The following CBLN2 variants were observed in gnomAD, a reference collection of about 807,000 sequenced individuals.
The protein encoded by CBLN2 is cerebellin 2 precursor.
Under a neutral mutation model 15.0 loss-of-function variants are expected in CBLN2, and 7 were observed. The observed-to-expected ratio is 0.47, with a 90% confidence interval of 0.27 to 0.88. CBLN2 has a LOEUF of 0.88. Ranked by LOEUF, CBLN2 falls within the 40% of genes least tolerant of loss-of-function variation. CBLN2 has a pLI of 0.14. For synonymous variants in CBLN2, 149 were observed against 135.2 expected (o/e 1.10, Z -0.71); for missense variants, 242 against 304.5 (o/e 0.79, Z 1.53).
chr18:72,600,063 G>A (rs979729231), intron 1 of CBLN2, among the ~76,000 whole-genome samples: 5 of 152,172 alleles, frequency 3.3e-5, no homozygotes, highest in African/African-American at 7.2e-5. Context: ...CACTGCAGAA[G>A]CACTTGTGGC....
chr18:72,538,378 A>T lies in CBLN2; in HGVS notation c.478-5T>A. 1 of 1,613,986 alleles carries T rather than the reference A, an allele frequency of 6.2e-7. No individual in the cohort carries two copies. The highest frequency in any genetic ancestry group is 8.5e-7 in the Non-Finnish European group (1 of 1,179,986). ...GCCATTCTGCATTAAACTGACCTAA[A>T]ATGCAGAGAGTAGAGCTCAGCAGAC... On this transcript the variant is annotated splice_polypyrimidine_tract_variant and splice_region_variant and intron_variant, in intron 4 of 4. Coordinates refer to ENST00000269503, the MANE Select transcript of CBLN2 (RefSeq NM_182511.4).
At chr18:72,597,145 C>G (rs2069518624) in intron 1 of CBLN2, among the ~76,000 whole-genome samples, 1 of 152,142 alleles carries the variant, frequency 6.6e-6, no homozygotes, top group South Asian at 2.1e-4. Flanking sequence ...TCTTTGCAAC[C>G]TGGGCTTGTC....
intron 3 of CBLN2, chr18:72,540,022 C>T (rs911958323): frequency 8.5e-5 from 13 of 152,232 alleles, no homozygotes; most frequent in African/African-American, 3.1e-4. Context: ...GTTTCAGCTT[C>T]TTCAACCCAG....
chr18:72,555,081 G>A (rs1305691727), intron 1 of CBLN2, among the ~76,000 whole-genome samples: 2 of 151,740 alleles, frequency 1.3e-5, no homozygotes, highest in South Asian at 2.1e-4. Context: ...GTTGCAGTGA[G>A]CCGAGATCAT....
intron 1 of CBLN2, among the ~76,000 whole-genome samples, chr18:72,599,873 T>C (rs980039749): frequency 6.6e-6 from 1 of 152,124 alleles, no homozygotes; most frequent in African/African-American, 2.4e-5. Flanking sequence ...GAGAGTTACC[T>C]CCTCAGTGTC....
At position 72,594,544 on chromosome 18, in the gene CBLN2, A is replaced by G. The variant is rs182288484; in HGVS notation, c.15+43781T>C. On this transcript the variant is annotated intron_variant, in intron 1 of 2. Transcript: ENST00000581073. ...ATTTTCTCCTATTCTGTGTCTCGGTATAGTTTGAGTAGGATTGGTATTATT... is the reference window on the plus strand; with the variant it reads ...ATTTTCTCCTATTCTGTGTCTCGGTGTAGTTTGAGTAGGATTGGTATTATT... Among the ~76,000 whole-genome samples the G allele has an allele frequency of 3.3e-3, 507 of 151,862 alleles. 6 individuals carry two copies. Among genetic ancestry groups the G allele is most frequent in the African/African-American group, 0.012 (492 of 41,428 alleles).
rs142484322 is a variant in CBLN2 at position 72,569,366 on chromosome 18, C to G, written c.16-30594G>C. On this transcript the variant is annotated intron_variant, in intron 1 of 2. Coordinates refer to the CBLN2 transcript ENST00000581073. The stretch of plus-strand genomic sequence containing the variant: ...TAATGATATTGTTTTACATTTTTTC[C>G]AAATCTTTTCAGTATCTGGTTTAAT... Among the ~76,000 whole-genome samples the G allele has an allele frequency of 5.5e-3, 830 of 151,902 alleles. 4 individuals are homozygous for G. The highest frequency in any genetic ancestry group is 0.01 in the Non-Finnish European group (704 of 67,950).
intron 1 of CBLN2, among the ~76,000 whole-genome samples, chr18:72,589,357 A>G (rs2069463977): frequency 6.6e-6 from 1 of 152,218 alleles, no homozygotes; most frequent in South Asian, 2.1e-4. Flanking sequence ...AAATGAGTTG[A>G]TTTCATTTGT....
intron 1 of CBLN2, among the ~76,000 whole-genome samples, chr18:72,566,073 AG>A (rs1236485511): frequency 6.6e-6 from 1 of 152,198 alleles, no homozygotes; most frequent in Non-Finnish European, 1.5e-5. Flanking sequence ...AAATGCTAAA[AG>A]TCACAAATCA....
upstream of CBLN2, among the ~76,000 whole-genome samples, chr18:72,548,575 C>A (rs2144878685): frequency 1.3e-5 from 2 of 152,188 alleles, no homozygotes; most frequent in South Asian, 2.1e-4. Flanking sequence ...ACTATAAAAG[C>A]CATTTTATAC....
At chr18:72,583,679 C>A (rs1435519418) in intron 1 of CBLN2, among the ~76,000 whole-genome samples, 1 of 152,140 alleles carries the variant, frequency 6.6e-6, no homozygotes, top group Non-Finnish European at 1.5e-5. Flanking sequence ...ATTAATCTCT[C>A]AGAAACTCTT....
At chr18:72,550,603 TA>T (rs2069186006) in intron 1 of CBLN2, among the ~76,000 whole-genome samples, 1 of 152,212 alleles carries the variant, frequency 6.6e-6, no homozygotes, top group Admixed American at 6.5e-5. Context: ...CCTAAGCAAC[TA>T]GAACTATTTT....
chr18:72,625,601 G>A (rs1207428469), intron 1 of CBLN2, among the ~76,000 whole-genome samples: 3 of 149,014 alleles, frequency 2.0e-5, no homozygotes, highest in Non-Finnish European at 4.4e-5. Flanking sequence ...ATAAGTAAAT[G>A]AGTCTGAGGG....
intron 1 of CBLN2, among the ~76,000 whole-genome samples, chr18:72,632,060 T>A (rs1268169114): frequency 6.6e-6 from 1 of 152,166 alleles, no homozygotes; most frequent in Non-Finnish European, 1.5e-5. Context: ...GTTAATATTA[T>A]AAATGAAAAC....
intron 1 of CBLN2, among the ~76,000 whole-genome samples, chr18:72,615,497 A>C (rs2069655303): frequency 6.6e-6 from 1 of 151,750 alleles, no homozygotes; most frequent in African/African-American, 2.4e-5. Context: ...GCTGGTCTCA[A>C]AACTCTTGAC....
At chr18:72,576,330 G>T (rs2069366237) in intron 1 of CBLN2, among the ~76,000 whole-genome samples, 1 of 152,154 alleles carries the variant, frequency 6.6e-6, no homozygotes, top group Non-Finnish European at 1.5e-5. Context: ...TTCACATCCA[G>T]TCCAAATGAG....
In CBLN2 at chr18:72,537,520, A is replaced by G. The variant is rs2069073163; in HGVS notation, c.*656T>C. 6.6e-6 allele frequency: 1 copy of G among 152,636 alleles called. No homozygotes were observed. Among genetic ancestry groups the G allele is most frequent in the Non-Finnish European group, 1.5e-5 (1 of 68,040 alleles). The allele number at this position is 152,636 out of a possible 1,614,324, so 9.5% of individuals were successfully genotyped here. On this transcript the variant is annotated 3_prime_UTR_variant, in exon 5 of 5. Coordinates refer to ENST00000269503, the MANE Select transcript of CBLN2 (RefSeq NM_182511.4). The stretch of plus-strand genomic sequence containing the variant: ...GAGAGCTGAGTGTGGAAAGAAAAGT[A>G]AAGCTTTTCAAGAAAAAACACAAAC...
chr18:72,549,949 C>T (rs370150811), intron 1 of CBLN2, among the ~76,000 whole-genome samples: 5 of 152,088 alleles, frequency 3.3e-5, no homozygotes, highest in South Asian at 4.1e-4. Flanking sequence ...AAAGGTATTG[C>T]GGTTCCTAAC....
At chr18:72,623,531 T>C (rs1242964582) in intron 1 of CBLN2, among the ~76,000 whole-genome samples, 4 of 152,098 alleles carry the variant, frequency 2.6e-5, no homozygotes, top group African/African-American at 9.7e-5. Flanking sequence ...CTGGGTCTCT[T>C]TGTGGCCTGG....
Sources: gnomAD v4.1 joint callset for allele counts (sites outside exome capture counted in the v4.1 genomes callset) on GRCh38, gnomAD v4.1.1 for gene constraint, MANE v1.5 for transcripts, NCBI Gene and HGNC (gene_info 2026-07-23, HGNC 2026-07-21) for gene names.